Variants in RPS19 observed in about 807,000 individuals in gnomAD.
RPS19 encodes small ribosomal subunit protein eS19.
Under a neutral mutation model 20.3 loss-of-function variants are expected in RPS19, and 1 was observed. The ratio of observed to expected loss-of-function variants is 0.05; its 90% CI spans 0.02 to 0.23. The LOEUF (loss-of-function observed/expected upper bound fraction) is 0.23. Among genes scored for constraint, RPS19 ranks in the 10% least tolerant of loss-of-function variants. The pLI, the probability that RPS19 is intolerant of heterozygous loss-of-function variation, is 1.00. For missense variants in RPS19, 111 were observed against 192.7 expected (o/e 0.58, Z 2.51); for synonymous variants, 87 against 74.8 (o/e 1.16, Z -0.84).
intron 3 of RPS19, among the ~76,000 whole-genome samples, chr19:41,867,580 G>A (rs782120420): frequency 7.9e-5 from 12 of 152,358 alleles, no homozygotes; most frequent in Non-Finnish European, 1.5e-4. Context: ...CCAAAGTGGT[G>A]GGATTACAGG....
chr19:41,870,098 C>T (rs1555841676), intron 5 of RPS19, among the ~76,000 whole-genome samples: 1 of 152,018 alleles, frequency 6.6e-6, no homozygotes, highest in African/African-American at 2.4e-5. Context: ...CAAAATTAGC[C>T]GGGTGTGGTG....
chr19:41,869,749 G>A lies in RPS19; in HGVS notation c.407G>A (p.Gly136Glu). 6.2e-7 allele frequency: 1 copy of A among 1,614,174 alleles called. No homozygotes were observed. Among genetic ancestry groups the A allele is most frequent in the Non-Finnish European group, 8.5e-7 (1 of 1,180,016 alleles). The change falls in exon 5 of 6, where the codon GGA (glycine) becomes GAA (glutamate). Residue 136 changes from glycine to glutamate, a missense_variant. Physicochemically the swap from Gly to Glu is moderately conservative, Grantham distance 98 (BLOSUM62 -2). Coordinates refer to ENST00000598742, the MANE Select transcript of RPS19 (RefSeq NM_001022.4). ...CAAAGAGATCTGGACAGAATCGCCGGACAGGTAAGGCCTGCGTTTGGGGTG... is the reference window on the plus strand; with the variant it reads ...CAAAGAGATCTGGACAGAATCGCCGAACAGGTAAGGCCTGCGTTTGGGGTG... ...QGQRDLDRIA[G>E]QVAAANKKH is the part of the protein sequence containing the mutation.
At chr19:41,870,967 A>G (rs187162205) in intron 5 of RPS19, among the ~76,000 whole-genome samples, 135 of 141,172 alleles carry the variant, frequency 9.6e-4, no homozygotes, top group African/African-American at 3.4e-3. Context: ...GGTTCAAGCA[A>G]TTCTCCTATC....
intron 3 of RPS19, among the ~76,000 whole-genome samples, chr19:41,868,236 G>A (rs1178213827): frequency 6.6e-6 from 1 of 152,204 alleles, no homozygotes; most frequent in African/African-American, 2.4e-5. Flanking sequence ...GGGCCCCGGT[G>A]CCATCACAGT....
chr19:41,869,228 A>T lies in RPS19; in HGVS notation c.356+14A>T, dbSNP rs1366610. 6.8e-6 allele frequency: 11 copies of T among 1,610,426 alleles called. No homozygotes were observed. In the South Asian group the frequency reaches 7.7e-5, roughly 11 times the overall value. On this transcript the variant is annotated intron_variant, in intron 4 of 5. Coordinates refer to ENST00000598742, the MANE Select transcript of RPS19 (RefSeq NM_001022.4). Reference sequence around the variant, plus strand: ...GGACCAAGATGGGTAAGCAGGGTAGAGGGGGCTGCATTGATGGAGTAGCCT... The same window carrying T: ...GGACCAAGATGGGTAAGCAGGGTAGTGGGGGCTGCATTGATGGAGTAGCCT...
intron 5 of RPS19, among the ~76,000 whole-genome samples, chr19:41,870,902 G>A (rs762051623): frequency 9.0e-5 from 10 of 111,612 alleles, no homozygotes; most frequent in Non-Finnish European, 9.9e-5. Flanking sequence ...TTGCTCTGTC[G>A]CCCAGGCTGG....
intron 5 of RPS19, 96 bp downstream of exon 5, chr19:41,869,849 G>A (rs1247673861): frequency 1.1e-5 from 15 of 1,314,188 alleles, no homozygotes; most frequent in Non-Finnish European, 1.6e-5. Flanking sequence ...TTCCTTCTCT[G>A]GAGGGCACAG....
At chr19:41,866,886 G>C (rs564103144) in intron 3 of RPS19, among the ~76,000 whole-genome samples, 3 of 151,688 alleles carry the variant, frequency 2.0e-5, no homozygotes, top group African/African-American at 7.3e-5. Flanking sequence ...GCGTGGTGGC[G>C]GGCCCCTGTA....
At chr19:41,865,745 G>A (rs61761238) in intron 3 of RPS19, among the ~76,000 whole-genome samples, 55 of 151,594 alleles carry the variant, frequency 3.6e-4, no homozygotes, top group African/African-American at 6.1e-4. Context: ...TCAAGAGATC[G>A]AGACCATCCT....
At chr19:41,867,186 C>G (rs1026561981) in intron 3 of RPS19, among the ~76,000 whole-genome samples, 1 of 151,196 alleles carries the variant, frequency 6.6e-6, no homozygotes, top group South Asian at 2.1e-4. Flanking sequence ...ACCTGTAGTC[C>G]CAACTATTCA....
chr19:41,872,126 T>G lies in RPS19; in HGVS notation c.*749T>G, dbSNP rs1200054055. 2.0e-5 allele frequency: 3 copies of G among 152,330 alleles called. No homozygotes were observed. In the South Asian group the frequency reaches 6.2e-4, roughly 31 times the overall value. 9.4% of individuals were successfully genotyped at this position (152,330 alleles called of 1,614,324 possible). The stretch of plus-strand genomic sequence containing the variant: ...ATTACCAGGGCGGCCACACACGGGC[T>G]GCACAACCTTTGCAGTCGTGCACGG... On this transcript the variant is annotated 3_prime_UTR_variant, in exon 6 of 6. Coordinates refer to ENST00000598742, the MANE Select transcript of RPS19 (RefSeq NM_001022.4).
chr19:41,863,891 G>A (rs2074058619), intron 3 of RPS19: 1 of 148,176 alleles, frequency 6.7e-6, no homozygotes, highest in Non-Finnish European at 1.5e-5. Context: ...TCACCAGGCT[G>A]GAGTACACTG....
chr19:41,862,264 A>G (rs1374056441), intron 3 of RPS19, among the ~76,000 whole-genome samples: 1 of 152,130 alleles, frequency 6.6e-6, no homozygotes, highest in Non-Finnish European at 1.5e-5. Flanking sequence ...TCAAATGTCT[A>G]TTGGGGCCCA....
intron 3 of RPS19, among the ~76,000 whole-genome samples, chr19:41,868,514 G>A (rs990436757): frequency 6.6e-6 from 1 of 152,150 alleles, no homozygotes; most frequent in Non-Finnish European, 1.5e-5. Context: ...TTTTTTGCAG[G>A]CAAGGAGGCT....
chr19:41,862,262 C>T (rs1286301671), intron 3 of RPS19, among the ~76,000 whole-genome samples: 1 of 152,144 alleles, frequency 6.6e-6, no homozygotes, highest in Non-Finnish European at 1.5e-5. Flanking sequence ...CCTCAAATGT[C>T]TATTGGGGCC....
chr19:41,865,930 C>CA (rs1226455062), intron 3 of RPS19, among the ~76,000 whole-genome samples: 1 of 112,710 alleles, frequency 8.9e-6, no homozygotes, highest in African/African-American at 3.5e-5. Flanking sequence ...GCCTGGGCGA[C>CA]AGAGTGAGAC....
intron 5 of RPS19, among the ~76,000 whole-genome samples, chr19:41,870,463 G>A (rs1555841740): frequency 6.6e-6 from 1 of 152,118 alleles, no homozygotes; most frequent in Non-Finnish European, 1.5e-5. Context: ...GATCCTGGCT[G>A]GCCAACACCC....
rs782623451 is a variant in RPS19, at chr19:41,869,172, A to G, written c.314A>G (p.Gln105Arg). The part of the protein sequence containing the change: ...GSKSVARRVL[Q>R]ALEGLKMVEK... ...AAGAGTGTGGCCCGCCGGGTCCTCCAAGCCCTGGAGGGGCTGAAAATGGTG... is the reference window on the plus strand; with the variant it reads ...AAGAGTGTGGCCCGCCGGGTCCTCCGAGCCCTGGAGGGGCTGAAAATGGTG... Residue 105 changes from glutamine (Q) to arginine (R), a missense_variant, in exon 4 of 6, where the codon CAA becomes CGA. By Grantham distance (43) the Gln-to-Arg change is conservative. Transcript: ENST00000598742. The G allele has an allele frequency of 6.2e-6, 10 of 1,613,748 alleles. No homozygotes were observed. The highest frequency in any genetic ancestry group is 8.5e-7 in the Non-Finnish European group (1 of 1,179,980).
rs1218567278 is a variant in RPS19 at position 41,860,873 on chromosome 19, G to C, written c.71+28G>C. On this transcript the variant is annotated intron_variant, in intron 2 of 5. Transcript: ENST00000598742. Reference sequence around the variant, plus strand: ...GAGTTTGGGGACTGAGGTTCAAAACGGGTGGAGGCTGTCGCCTTGGCCTGC... The same window carrying C: ...GAGTTTGGGGACTGAGGTTCAAAACCGGTGGAGGCTGTCGCCTTGGCCTGC... 1.9e-6 allele frequency: 3 copies of C among 1,591,198 alleles called. No homozygotes were observed. The East Asian group carries it at 6.7e-5, about 36-fold the overall frequency.
Sources: gnomAD v4.1 joint callset for allele counts (sites outside exome capture counted in the v4.1 genomes callset) on GRCh38, gnomAD v4.1.1 for gene constraint, MANE v1.5 for transcripts, NCBI Gene and HGNC (gene_info 2026-07-23, HGNC 2026-07-21) for gene names.